Variants in SOX6 observed in about 807,000 individuals in gnomAD.
The protein encoded by SOX6 is SRY-box transcription factor 6, also known as transcription factor SOX-6.
In SOX6, 11 loss-of-function variants were observed where a neutral mutation model predicts 97.8. The observed-to-expected ratio is 0.11, with a 90% confidence interval of 0.07 to 0.19. The LOEUF is 0.19. Ranked by LOEUF, SOX6 falls within the 10% of genes least tolerant of loss-of-function variation. The pLI is 1.00. For synonymous variants in SOX6, 360 were observed against 371.4 expected, an observed-to-expected ratio of 0.97 and a Z score of 0.35; for missense variants, 810 against 1,039.5, an observed-to-expected ratio of 0.78 and a Z score of 3.04.
chr11:16,271,141 T>C (rs1046514032), intron 3 of SOX6, among the ~76,000 whole-genome samples: 3 of 151,414 alleles, frequency 2.0e-5, no homozygotes, highest in African/African-American at 7.2e-5. Context: ...TTGGAGATTA[T>C]TCCAAGACTT....
intron 15 of SOX6, among the ~76,000 whole-genome samples, chr11:15,980,603 A>G (rs943265929): frequency 2.0e-5 from 3 of 152,044 alleles, no homozygotes; most frequent in Non-Finnish European, 4.4e-5. Flanking sequence ...CTTTACTGCC[A>G]GGAAAAAGCC....
intron 6 of SOX6, among the ~76,000 whole-genome samples, chr11:16,158,865 G>GGTGTGTGTGTGTGTGTGT (rs10549567): frequency 6.9e-6 from 1 of 145,912 alleles, no homozygotes; most frequent in African/African-American, 2.5e-5. Context: ...TGAAGTTACA[G>GGTGTGTGTGTGTGTGTGT]GTGTGTGTGT....
chr11:16,643,859 G>C (rs1848964864), intron 3 of SOX6, among the ~76,000 whole-genome samples: 2 of 152,242 alleles, frequency 1.3e-5, no homozygotes. Flanking sequence ...TGCACTTCCT[G>C]GGTGAGGCAA....
intron 4 of SOX6, among the ~76,000 whole-genome samples, chr11:16,547,533 G>C (rs1362487289): frequency 6.6e-6 from 1 of 152,070 alleles, no homozygotes; most frequent in African/African-American, 2.4e-5. Flanking sequence ...AAGTGAAATA[G>C]GCCAGGCACA....
At chr11:16,196,408 A>G (rs1043599676) in intron 4 of SOX6, among the ~76,000 whole-genome samples, 3 of 152,220 alleles carry the variant, frequency 2.0e-5, no homozygotes, top group African/African-American at 7.2e-5. Flanking sequence ...CCAACAGACA[A>G]TGTAGCTGAG....
chr11:16,455,646 C>T (rs1190259086), intron 1 of SOX6, among the ~76,000 whole-genome samples: 1 of 151,962 alleles, frequency 6.6e-6, no homozygotes, highest in Non-Finnish European at 1.5e-5. Flanking sequence ...CCAGCCATTG[C>T]CACATTATTT....
chr11:16,221,420 T>C (rs1438636491), intron 4 of SOX6, among the ~76,000 whole-genome samples: 2 of 151,670 alleles, frequency 1.3e-5, no homozygotes, highest in Non-Finnish European at 2.9e-5. Context: ...TAATAGTCTA[T>C]GTGATGAAAT....
intron 4 of SOX6, among the ~76,000 whole-genome samples, chr11:16,538,940 T>C (rs951553025): frequency 1.3e-5 from 2 of 152,080 alleles, no homozygotes; most frequent in African/African-American, 4.8e-5. Context: ...AACAAGGATA[T>C]CCAGGATTTG....
intron 1 of SOX6, among the ~76,000 whole-genome samples, chr11:16,414,290 C>T (rs1437254288): frequency 1.3e-5 from 2 of 152,130 alleles, no homozygotes; most frequent in African/African-American, 2.4e-5. Flanking sequence ...TCTTCAGAAA[C>T]GTTTCATTTA....
chr11:16,328,045 G>A (rs1272762364), intron 2 of SOX6, among the ~76,000 whole-genome samples: 2 of 152,226 alleles, frequency 1.3e-5, no homozygotes, highest in East Asian at 3.9e-4. Flanking sequence ...AGCCTCTCCA[G>A]TTGCAATGTT....
At chr11:16,555,031 T>G (rs956477853) in intron 4 of SOX6, among the ~76,000 whole-genome samples, 1 of 152,006 alleles carries the variant, frequency 6.6e-6, no homozygotes, top group Non-Finnish European at 1.5e-5. Flanking sequence ...ACTTAAAAGA[T>G]GTACAAGACT....
At chr11:16,717,229 A>G (rs772069992) in intron 2 of SOX6, among the ~76,000 whole-genome samples, 3 of 152,188 alleles carry the variant, frequency 2.0e-5, no homozygotes, top group Non-Finnish European at 4.4e-5. Context: ...ACAGAGCGTT[A>G]CAGATGGAAG....
chr11:16,286,121 C>T (rs1022404400), intron 3 of SOX6, among the ~76,000 whole-genome samples: 1 of 152,036 alleles, frequency 6.6e-6, no homozygotes, highest in Admixed American at 6.6e-5. Flanking sequence ...CAGTTGTTGT[C>T]TTATTTCTTG....
At chr11:16,050,163 C>CT (rs1847650458) in intron 10 of SOX6, among the ~76,000 whole-genome samples, 1 of 152,086 alleles carries the variant, frequency 6.6e-6, no homozygotes, top group South Asian at 2.1e-4. Context: ...TTGGATCATT[C>CT]TTTTTGCCAA....
chr11:16,154,360 G>A (rs915377778), intron 6 of SOX6, among the ~76,000 whole-genome samples: 1 of 152,016 alleles, frequency 6.6e-6, no homozygotes, highest in Non-Finnish European at 1.5e-5. Flanking sequence ...AACATGCTGC[G>A]ACAAATTACA....
chr11:16,251,355 T>C (rs1470186896), intron 3 of SOX6, among the ~76,000 whole-genome samples: 2 of 151,962 alleles, frequency 1.3e-5, no homozygotes, highest in African/African-American at 4.8e-5. Flanking sequence ...TTAATGAAAT[T>C]AATAAACTTT....
At chr11:16,291,249 A>ACGAGG in intron 3 of SOX6, among the ~76,000 whole-genome samples, 1 of 1,586 alleles carries the variant, frequency 6.3e-4, no homozygotes, top group Non-Finnish European at 3.1e-3. Context: ...ATATATATAT[A>ACGAGG]TATATATATA....
chr11:16,007,869 A>G (rs2075768740), intron 13 of SOX6, among the ~76,000 whole-genome samples: 1 of 152,154 alleles, frequency 6.6e-6, no homozygotes, highest in Non-Finnish European at 1.5e-5. Context: ...TTGCAGTCCC[A>G]TCGGGAACAT....
chr11:16,363,353 C>T (rs780422685), intron 1 of SOX6, among the ~76,000 whole-genome samples: 8 of 152,076 alleles, frequency 5.3e-5, no homozygotes, highest in Non-Finnish European at 7.4e-5. Context: ...AGCTCTGACA[C>T]AATGGTCAAA....
Sources: allele counts gnomAD v4.1 joint callset (sites outside exome capture counted in the v4.1 genomes callset), GRCh38; gene constraint gnomAD v4.1.1; transcripts MANE v1.5; gene names NCBI Gene and HGNC (gene_info 2026-07-23, HGNC 2026-07-21).